Variants in TXLNB observed in about 807,000 individuals in gnomAD.
The protein encoded by TXLNB is taxilin beta.
A neutral mutation model predicts 57.4 loss-of-function variants in TXLNB; 37 were observed. The ratio of observed to expected loss-of-function variants is 0.64; its 90% CI spans 0.50 to 0.85. The LOEUF (loss-of-function observed/expected upper bound fraction) is 0.85. TXLNB is among the 40% of genes least tolerant of loss of function. The pLI is 0.00. For missense variants in TXLNB, 848 were observed against 825.6 expected (o/e 1.03, Z -0.33); for synonymous variants, 302 against 309.6 (o/e 0.98, Z 0.26).
At chr6:139,168,050 G>T in the TXLNB span, among the ~76,000 whole-genome samples, 1 of 152,152 alleles carries the variant, frequency 6.6e-6, no homozygotes, top group Non-Finnish European at 1.5e-5. Flanking sequence ...AGCTTGTTGT[G>T]AAAATGATAT....
chr6:139,271,322 A>T, intron 3 of TXLNB: 1 of 152,310 alleles, frequency 6.6e-6, no homozygotes, highest in East Asian at 1.9e-4. Flanking sequence ...CTCTGTGCTT[A>T]TAACAAATAA....
At chr6:139,251,778 C>T (rs375246847) in intron 7 of TXLNB, among the ~76,000 whole-genome samples, 1 of 152,238 alleles carries the variant, frequency 6.6e-6, no homozygotes, top group Non-Finnish European at 1.5e-5. Context: ...TGGGAAACAA[C>T]TGTGTCCAGG....
In TXLNB at chr6:139,276,911, G is replaced by T; in HGVS notation, c.435C>A (p.Ala145=). The T allele has an allele frequency of 6.4e-7, 1 of 1,572,272 alleles. No individual in the cohort carries two copies. ...KKILKGLGKE[A]NLLMQNLNKL... The stretch of plus-strand genomic sequence containing the variant: ...TGTTCAGATTTTGCATTAGCAGGTT[G>T]GCTTCTTTGCCTTAAAAAAAAAAGA... The change falls in exon 3 of 10, where the codon GCC becomes GCA. Residue 145 remains alanine (A), a synonymous_variant. Coordinates refer to ENST00000358430, the MANE Select transcript of TXLNB (RefSeq NM_153235.4).
chr6:139,193,840 A>ATATATATATTT, the TXLNB span, among the ~76,000 whole-genome samples: 2 of 85,234 alleles, frequency 2.3e-5, no homozygotes, highest in African/African-American at 5.0e-5. Context: ...ATATATATAT[A>ATATATATATTT]TTTTTTTTTT....
At chr6:139,170,622 G>A in the TXLNB span, 3 of 152,326 alleles carry the variant, frequency 2.0e-5, no homozygotes, top group African/African-American at 7.2e-5. Flanking sequence ...TGAGGAGCTA[G>A]GGAGAGAACT....
the TXLNB span, among the ~76,000 whole-genome samples, chr6:139,198,195 CTT>C: frequency 4.1e-5 from 6 of 144,826 alleles, no homozygotes; most frequent in Middle Eastern, 3.6e-3. Flanking sequence ...ATCCATTGTA[CTT>C]TTTTTTTTTT....
At position 139,273,267 on chromosome 6, in the gene TXLNB, T is replaced by C. The variant is rs545033602; in HGVS notation, c.517-2641A>G. Reference sequence around the variant, plus strand: ...GCTATATGCCAGTAGCACTGCCCAATTGCGACACCCCAAAATATCTCCAGA... The same window carrying C: ...GCTATATGCCAGTAGCACTGCCCAACTGCGACACCCCAAAATATCTCCAGA... On this transcript the variant is annotated intron_variant, in intron 3 of 9. Coordinates refer to ENST00000358430, the MANE Select transcript of TXLNB (RefSeq NM_153235.4). Among the ~76,000 whole-genome samples, 25 of 152,242 alleles carry C rather than the reference T, an allele frequency of 1.6e-4. No individual in the cohort carries two copies. The East Asian group carries it at 4.8e-3, about 29-fold the overall frequency.
the TXLNB span, among the ~76,000 whole-genome samples, chr6:139,230,332 C>A: frequency 2.6e-5 from 4 of 152,214 alleles, no homozygotes; most frequent in African/African-American, 9.7e-5. Context: ...TGCAATCAGT[C>A]CTGGTTTACT....
chr6:139,175,469 T>A, the TXLNB span, among the ~76,000 whole-genome samples: 1 of 152,222 alleles, frequency 6.6e-6, no homozygotes, highest in East Asian at 1.9e-4. Flanking sequence ...TGATAGTTAT[T>A]GTGCCTTGAT....
chr6:139,185,426 G>T, the TXLNB span, among the ~76,000 whole-genome samples: 1,003 of 152,322 alleles, frequency 6.6e-3, 16 homozygotes, highest in African/African-American at 0.023. Flanking sequence ...TTGTGGCCGG[G>T]TGCAGTGACT....
chr6:139,261,079 T>G (rs1776469295), intron 5 of TXLNB, among the ~76,000 whole-genome samples: 1 of 152,144 alleles, frequency 6.6e-6, no homozygotes, highest in Non-Finnish European at 1.5e-5. Context: ...CTGGACTAGT[T>G]TGGTCAAGAG....
chr6:139,194,368 A>G, the TXLNB span, among the ~76,000 whole-genome samples: 48 of 152,292 alleles, frequency 3.2e-4, no homozygotes, highest in South Asian at 3.5e-3. Flanking sequence ...CTCACAGAGT[A>G]TCTATCAGAC....
the TXLNB span, among the ~76,000 whole-genome samples, chr6:139,173,825 A>G: frequency 6.6e-6 from 1 of 152,236 alleles, no homozygotes; most frequent in Admixed American, 6.5e-5. Context: ...TACGAGTAAG[A>G]TATAATTCTG....
At chr6:139,224,841 G>A in the TXLNB span, among the ~76,000 whole-genome samples, 5 of 151,768 alleles carry the variant, frequency 3.3e-5, no homozygotes, top group East Asian at 9.6e-4. Context: ...CCCCAAGATA[G>A]AAAAGTAAGG....
intron 2 of TXLNB, among the ~76,000 whole-genome samples, chr6:139,284,335 C>T (rs1777123250): frequency 6.9e-6 from 1 of 144,584 alleles, no homozygotes; most frequent in Non-Finnish European, 1.5e-5. Context: ...CGAGACCATC[C>T]TGGCCAACAC....
the TXLNB span, among the ~76,000 whole-genome samples, chr6:139,235,051 G>T: frequency 8.5e-5 from 13 of 152,184 alleles, no homozygotes; most frequent in Admixed American, 3.3e-4. Flanking sequence ...TTGGATTTAG[G>T]CTTACATGGA....
At chr6:139,183,332 C>A in the TXLNB span, 3 of 152,210 alleles carry the variant, frequency 2.0e-5, no homozygotes, top group Admixed American at 6.5e-5. Flanking sequence ...GTTTTCCCTT[C>A]TGTTTTCTGT....
chr6:139,161,503 C>G, the TXLNB span, among the ~76,000 whole-genome samples: 1 of 152,116 alleles, frequency 6.6e-6, no homozygotes, highest in Non-Finnish European at 1.5e-5. Context: ...TGTCTGTGTT[C>G]CATGTGTGCA....
At chr6:139,160,328 C>T in the TXLNB span, among the ~76,000 whole-genome samples, 1 of 152,164 alleles carries the variant, frequency 6.6e-6, no homozygotes, top group Non-Finnish European at 1.5e-5. Context: ...TAGATTAATG[C>T]GCCAAGGGAA....
Sources: gnomAD v4.1 joint callset for allele counts (sites outside exome capture counted in the v4.1 genomes callset) on GRCh38, gnomAD v4.1.1 for gene constraint, MANE v1.5 for transcripts, NCBI Gene and HGNC (gene_info 2026-07-23, HGNC 2026-07-21) for gene names.